GAS7: variants seen among roughly 807,000 people sequenced by gnomAD.
The protein encoded by GAS7 is growth arrest-specific protein 7.
A neutral mutation model predicts 71.1 loss-of-function variants in GAS7; 28 were observed. That is an observed-to-expected ratio of 0.39 (90% CI 0.29 to 0.54). The LOEUF is 0.54. Ranked by LOEUF, GAS7 falls within the 20% of genes least tolerant of loss-of-function variation. GAS7 has a pLI of 0.62. For missense variants in GAS7, 436 were observed against 627.8 expected, an observed-to-expected ratio of 0.69 and a Z score of 3.27; for synonymous variants, 258 against 245.8, an observed-to-expected ratio of 1.05 and a Z score of -0.46.
At chr17:9,925,643 C>A (rs1456267758) in intron 10 of GAS7, 44 bp from the exon 11 acceptor site, 7 of 1,611,842 alleles carry the variant, frequency 4.3e-6, no homozygotes. Context: ...CAGCTCGGAG[C>A]CAGTGGGCCT....
At chr17:9,932,989 G>A (rs1488783262) in intron 9 of GAS7, among the ~76,000 whole-genome samples, 1 of 151,996 alleles carries the variant, frequency 6.6e-6, no homozygotes, top group African/African-American at 2.4e-5. Flanking sequence ...TGGCCAACAC[G>A]GTGAAACCCC....
intron 2 of GAS7, among the ~76,000 whole-genome samples, chr17:9,993,598 C>T (rs1455995189): frequency 2.0e-5 from 3 of 151,802 alleles, no homozygotes; most frequent in Non-Finnish European, 4.4e-5. Context: ...AAACTGGAAG[C>T]ATTCCCTTTG....
chr17:10,076,552 T>C (rs1026579723), intron 1 of GAS7, among the ~76,000 whole-genome samples: 1 of 152,086 alleles, frequency 6.6e-6, no homozygotes, highest in Non-Finnish European at 1.5e-5. Flanking sequence ...ATTATAATTG[T>C]CTACCCCTCC....
At chr17:9,928,682 A>G (rs1243939005) in intron 9 of GAS7, among the ~76,000 whole-genome samples, 1 of 152,206 alleles carries the variant, frequency 6.6e-6, no homozygotes, top group African/African-American at 2.4e-5. Context: ...GCTGTACAAT[A>G]TCTTTTTCTC....
At chr17:10,051,478 A>ATGGTTT (rs1444798240) in intron 1 of GAS7, among the ~76,000 whole-genome samples, 1 of 152,212 alleles carries the variant, frequency 6.6e-6, no homozygotes, top group Non-Finnish European at 1.5e-5. Flanking sequence ...AAGTAAATAC[A>ATGGTTT]TTTGGAAAAG....
intron 8 of GAS7, among the ~76,000 whole-genome samples, chr17:9,938,111 A>T (rs1254182827): frequency 2.0e-5 from 3 of 152,188 alleles, no homozygotes; most frequent in African/African-American, 7.2e-5. Flanking sequence ...ACCCTAACCC[A>T]CAATGTGGCT....
chr17:10,184,224 C>T (rs778131932), intron 1 of GAS7, among the ~76,000 whole-genome samples: 4 of 152,200 alleles, frequency 2.6e-5, no homozygotes, highest in Non-Finnish European at 5.9e-5. Context: ...TGCCCCCCAG[C>T]CTTTCCAGCG....
intron 1 of GAS7, chr17:10,039,760 C>T (rs1332117291): frequency 2.2e-6 from 1 of 456,372 alleles, no homozygotes; most frequent in Non-Finnish European, 4.4e-6. Flanking sequence ...GTCTTGCGTT[C>T]AATCTTGGGG....
chr17:10,156,554 C>T (rs187679719), intron 1 of GAS7, among the ~76,000 whole-genome samples: 3 of 152,322 alleles, frequency 2.0e-5, no homozygotes, highest in African/African-American at 7.2e-5. Context: ...TTTGGCCCTT[C>T]TCCTGCAGCT....
intron 1 of GAS7, among the ~76,000 whole-genome samples, chr17:10,035,778 G>A (rs1317698208): frequency 6.6e-6 from 1 of 152,172 alleles, no homozygotes; most frequent in African/African-American, 2.4e-5. Context: ...CTAAGTATCA[G>A]AAGAGCTTCC....
chr17:10,166,308 TCAC>T (rs1314672578), intron 1 of GAS7, among the ~76,000 whole-genome samples: 2 of 152,074 alleles, frequency 1.3e-5, no homozygotes, highest in African/African-American at 4.8e-5. Flanking sequence ...CAGGCGTGAG[TCAC>T]CACACCAGGT....
intron 1 of GAS7, among the ~76,000 whole-genome samples, chr17:10,088,083 T>G (rs1256786787): frequency 6.6e-6 from 1 of 151,914 alleles, no homozygotes; most frequent in Non-Finnish European, 1.5e-5. Context: ...TAGCCAGGCA[T>G]GGTGGTGCAT....
Position 9,923,568 on chromosome 17 carries a change from C to G in GAS7, c.1138+1908G>C, listed in dbSNP as rs553885213. Among the ~76,000 whole-genome samples, 64 of 152,298 alleles carry G rather than the reference C, an allele frequency of 4.2e-4. No individual in the cohort carries two copies. The South Asian group carries it at 8.3e-3, about 20-fold the overall frequency. On this transcript the variant is annotated intron_variant, in intron 11 of 13. Coordinates refer to ENST00000432992, the MANE Select transcript of GAS7 (RefSeq NM_201433.2). The stretch of plus-strand genomic sequence containing the variant: ...TATATGTATATTTTACATACTCAAC[C>G]TGGGTTATGGAGAAAAGCAAATTAA...
chr17:9,920,251 T>A (rs1231366447), intron 11 of GAS7, among the ~76,000 whole-genome samples: 3 of 152,088 alleles, frequency 2.0e-5, no homozygotes, highest in Non-Finnish European at 4.4e-5. Context: ...AGAACGCATC[T>A]GTAGTCACAG....
intron 5 of GAS7, among the ~76,000 whole-genome samples, chr17:9,954,592 G>A (rs935606283): frequency 6.6e-6 from 1 of 152,156 alleles, no homozygotes; most frequent in Non-Finnish European, 1.5e-5. Context: ...TCAATTCAGT[G>A]ATGCCCATCC....
At chr17:9,994,148 A>C (rs1021947928) in intron 2 of GAS7, among the ~76,000 whole-genome samples, 3 of 149,722 alleles carry the variant, frequency 2.0e-5, no homozygotes, top group African/African-American at 7.4e-5. Context: ...TCAAGCTACC[A>C]ATGCCTTTCT....
At chr17:10,189,922 G>A (rs1364447833) in intron 1 of GAS7, among the ~76,000 whole-genome samples, 1 of 150,046 alleles carries the variant, frequency 6.7e-6, no homozygotes, top group Non-Finnish European at 1.5e-5. Flanking sequence ...CTGGGCAACA[G>A]AGCAAGATTC....
intron 1 of GAS7, among the ~76,000 whole-genome samples, chr17:10,073,703 T>C (rs958103251): frequency 5.3e-5 from 8 of 152,208 alleles, no homozygotes; most frequent in Admixed American, 5.2e-4. Flanking sequence ...AGGGAATTTC[T>C]AGGTACTACT....
intron 1 of GAS7, among the ~76,000 whole-genome samples, chr17:10,044,557 C>T (rs2072920289): frequency 6.6e-6 from 1 of 152,066 alleles, no homozygotes; most frequent in Non-Finnish European, 1.5e-5. Flanking sequence ...AAATGATAAA[C>T]TAGTATCGAA....
Sources: allele counts gnomAD v4.1 joint callset (sites outside exome capture counted in the v4.1 genomes callset), GRCh38; gene constraint gnomAD v4.1.1; transcripts MANE v1.5; gene names NCBI Gene and HGNC (gene_info 2026-07-23, HGNC 2026-07-21).